HFM1: variants seen among roughly 807,000 people sequenced by gnomAD.
HFM1 encodes the protein helicase for meiosis 1.
Under a neutral mutation model 192.1 loss-of-function variants are expected in HFM1, and 169 were observed. That is an observed-to-expected ratio of 0.88 (90% CI 0.78 to 1.00). The LOEUF (loss-of-function observed/expected upper bound fraction) is 1.00, where lower values mean the gene tolerates loss of function less well. HFM1 is among the 50% of genes least tolerant of loss of function. HFM1 has a pLI of 0.00. For synonymous variants in HFM1, 525 were observed against 537.8 expected, an observed-to-expected ratio of 0.98 and a Z score of 0.33; for missense variants, 1,661 against 1,668.0, an observed-to-expected ratio of 1.00 and a Z score of 0.07.
Position 91,266,509 on chromosome 1 carries a change from TG to T in HFM1, c.3884-403del, listed in dbSNP as rs538107414. Reference sequence around the variant, plus strand: ...GATGTCTTCTGGGCTGATCATGGTGTGAGAGTGAGGAAAAACAGTTTGTGTT... The same window carrying T: ...GATGTCTTCTGGGCTGATCATGGTGTAGAGTGAGGAAAAACAGTTTGTGTT... On this transcript the variant is annotated intron_variant, in intron 35 of 38. Transcript: ENST00000370425. Among the ~76,000 whole-genome samples, 346 of 152,314 alleles carry T rather than the reference TG, an allele frequency of 2.3e-3. 1 individual carries two copies. The highest frequency in any genetic ancestry group is 7.9e-3 in the African/African-American group (328 of 41,570).
At chr1:91,282,168 A>G (rs1384661377) in intron 30 of HFM1, among the ~76,000 whole-genome samples, 1 of 152,170 alleles carries the variant, frequency 6.6e-6, no homozygotes, top group East Asian at 1.9e-4. Context: ...TTGAACACTT[A>G]TAAGTTAGAT....
chr1:91,353,922 TGAA>T (rs1268617548), intron 13 of HFM1, among the ~76,000 whole-genome samples: 4 of 133,210 alleles, frequency 3.0e-5, no homozygotes, highest in African/African-American at 8.2e-5. Flanking sequence ...ACAGGAAACA[TGAA>T]AAAAAAAAAA....
intron 13 of HFM1, among the ~76,000 whole-genome samples, chr1:91,358,524 AG>A (rs1208455066): frequency 6.6e-6 from 1 of 152,134 alleles, no homozygotes; most frequent in Non-Finnish European, 1.5e-5. Flanking sequence ...ATTTTCCATT[AG>A]GGCACCAAAA....
rs1169032386 is a variant in HFM1 at position 91,292,689 on chromosome 1, A to T, written c.3392-15627T>A. On this transcript the variant is annotated intron_variant, in intron 30 of 38. Coordinates refer to ENST00000370425, the MANE Select transcript of HFM1 (RefSeq NM_001017975.6). ...GCTACCAATGACTTTCTTCACAGAA[A>T]TGGAAAAAACTACTTTAAAGTTCAT... 1.2e-4 allele frequency among the ~76,000 whole-genome samples: 19 copies of T among 152,124 alleles called. No individual in the cohort carries two copies. In the South Asian group the frequency reaches 3.3e-3, roughly 27 times the overall value.
intron 30 of HFM1, among the ~76,000 whole-genome samples, chr1:91,290,069 C>T (rs1430477852): frequency 6.6e-6 from 1 of 152,086 alleles, no homozygotes; most frequent in African/African-American, 2.4e-5. Context: ...TGGAAAGGAA[C>T]AATCGGTACC....
At chr1:91,325,280 C>T (rs1037503379) in intron 20 of HFM1, among the ~76,000 whole-genome samples, 1 of 152,178 alleles carries the variant, frequency 6.6e-6, no homozygotes, top group African/African-American at 2.4e-5. Flanking sequence ...GGCTCTCAGA[C>T]AGTCTCTCAG....
chr1:91,376,607 G>A (rs12729858), intron 11 of HFM1, among the ~76,000 whole-genome samples: 29,721 of 151,438 alleles, frequency 0.2, 3,642 homozygotes, highest in South Asian at 0.35. Context: ...GTGAAAAAAA[G>A]GCAAATGACA....
Position 91,329,526 on chromosome 1 carries a change from T to C in HFM1, c.2336-4760A>G. On this transcript the variant is annotated intron_variant, in intron 20 of 38. Transcript: ENST00000370425. ...GTTTAAAAGGGGAAAATAAATGTGT[T>C]TCCCCATTATACCTCCTTGACACCA... 4.7e-6 allele frequency: 7 copies of C among 1,486,122 alleles called. No homozygotes were observed. The South Asian group carries it at 9.2e-5, about 20-fold the overall frequency. The allele number at this position is 1,486,122 out of a possible 1,614,324, so 92.1% of individuals were successfully genotyped here.
intron 20 of HFM1, among the ~76,000 whole-genome samples, chr1:91,339,823 G>A (rs558399652): frequency 6.6e-6 from 1 of 151,940 alleles, no homozygotes; most frequent in Non-Finnish European, 1.5e-5. Flanking sequence ...ATACTATATA[G>A]AACAGCCATC....
Position 91,262,393 on chromosome 1 carries a change from C to T in HFM1, c.4087-1G>A. The T allele has an allele frequency of 6.3e-7, 1 of 1,578,274 alleles. No homozygotes were observed. The highest frequency in any genetic ancestry group is 1.4e-5 in the African/African-American group (1 of 73,518). Reference sequence around the variant, plus strand: ...GTGGTTTTCTTTCTTGAAAATGGACCTACATTTGAGATAAAAAATAACAAT... The same window carrying T: ...GTGGTTTTCTTTCTTGAAAATGGACTTACATTTGAGATAAAAAATAACAAT... On this transcript the variant is annotated splice_acceptor_variant, in intron 37 of 38. Transcript: ENST00000370425. LOFTEE classifies it high-confidence loss of function.
upstream of HFM1, chr1:91,404,945 A>G (rs1557548268): frequency 6.7e-6 from 3 of 448,850 alleles, no homozygotes; most frequent in Admixed American, 4.8e-5. Flanking sequence ...GAAAGTTTAT[A>G]ACTGGTTTTG....
rs539718839 is a variant in HFM1 at position 91,385,237 on chromosome 1, G to A, written c.755-3C>T. 8 of 1,478,818 alleles carry A rather than the reference G, an allele frequency of 5.4e-6. No individual in the cohort carries two copies. The highest frequency in any genetic ancestry group is 3.7e-5 in the Admixed American group (2 of 53,598). The allele number at this position is 1,478,818 out of a possible 1,614,324, so 91.6% of individuals were successfully genotyped here. On this transcript the variant is annotated splice_region_variant and splice_polypyrimidine_tract_variant and intron_variant, in intron 5 of 38. Transcript: ENST00000370425. ...ACCTAAACCATTTTCTGTTACCTCT[G>A]AAAAAAAAATGCTACATATTTATAT... is the stretch of plus-strand genomic sequence containing the variant.
intron 1 of HFM1, among the ~76,000 whole-genome samples, chr1:91,403,471 T>A (rs1664522040): frequency 6.6e-6 from 1 of 152,166 alleles, no homozygotes; most frequent in Admixed American, 6.5e-5. Flanking sequence ...ATGTAAATCT[T>A]TTTTTAAAAA....
chr1:91,347,349 G>A, intron 19 of HFM1, 80 bp downstream of exon 19: 1 of 702,714 alleles, frequency 1.4e-6, no homozygotes, highest in Non-Finnish European at 2.3e-6. Flanking sequence ...ATTTACAAAA[G>A]CATATTCTTA....
chr1:91,323,166 C>A lies in HFM1; in HGVS notation c.2461G>T (p.Asp821Tyr). 6.3e-7 allele frequency: 1 copy of A among 1,588,072 alleles called. No homozygotes were observed. ...TTTTCATTTATCCTTAACTGTATATCTAGAAATTCCTTGCAGCCAGCTATC... is the reference window on the plus strand; with the variant it reads ...TTTTCATTTATCCTTAACTGTATATATAGAAATTCCTTGCAGCCAGCTATC... ...TLIAGCKEFL[D>Y]IQLRINEKKT... Residue 821 changes from aspartate to tyrosine, a missense_variant, in exon 22 of 39, where the codon GAT (aspartate) becomes TAT (tyrosine). By Grantham distance (160) the Asp-to-Tyr change is radical. Coordinates refer to ENST00000370425, the MANE Select transcript of HFM1 (RefSeq NM_001017975.6).
chr1:91,295,194 C>T (rs1033735973), intron 30 of HFM1, among the ~76,000 whole-genome samples: 1 of 152,006 alleles, frequency 6.6e-6, no homozygotes, highest in Non-Finnish European at 1.5e-5. Context: ...TAATTGAGTA[C>T]CCATTTTTAA....
chr1:91,358,139 G>T (rs1657996017), intron 13 of HFM1, among the ~76,000 whole-genome samples: 1 of 152,100 alleles, frequency 6.6e-6, no homozygotes. Flanking sequence ...CACAAGGTCA[G>T]GAGATCAAGA....
intron 30 of HFM1, among the ~76,000 whole-genome samples, chr1:91,292,672 T>A (rs753781142): frequency 9.0e-4 from 137 of 152,134 alleles, no homozygotes; most frequent in Non-Finnish European, 1.8e-3. Flanking sequence ...AAGCTACCAA[T>A]GACTTTCTTC....
At chr1:91,280,062 A>G (rs1013987402) in intron 30 of HFM1, among the ~76,000 whole-genome samples, 1 of 152,216 alleles carries the variant, frequency 6.6e-6, no homozygotes, top group Non-Finnish European at 1.5e-5. Context: ...ATATTAATGT[A>G]TATATTATAT....
Sources: allele counts gnomAD v4.1 joint callset (sites outside exome capture counted in the v4.1 genomes callset), GRCh38; gene constraint gnomAD v4.1.1; transcripts MANE v1.5; gene names NCBI Gene and HGNC (gene_info 2026-07-23, HGNC 2026-07-21).